Variants in ZC4H2 observed in about 807,000 individuals in gnomAD.
ZC4H2 encodes zinc finger C4H2-type containing, also known as zinc finger C4H2 domain-containing protein.
For synonymous variants in ZC4H2, 84 were observed against 66.3 expected (o/e 1.27, Z -1.30); for missense variants, 137 against 173.9 (o/e 0.79, Z 1.19).
chrX:65,009,581 G>T (rs1343968170), intron 1 of ZC4H2, among the ~76,000 whole-genome samples: 1 of 111,838 alleles, frequency 8.9e-6, no homozygotes, highest in Non-Finnish European at 1.9e-5. Flanking sequence ...TAGAAGGTTT[G>T]CTTATTCTTC....
intron 1 of ZC4H2, among the ~76,000 whole-genome samples, chrX:64,945,809 C>T (rs753851394): frequency 3.9e-4 from 43 of 111,036 alleles, no homozygotes; most frequent in African/African-American, 1.3e-3. Flanking sequence ...GGCAGTCTGG[C>T]CACAGCTGCT....
chrX:64,942,359 T>G (rs1202492121), intron 1 of ZC4H2, among the ~76,000 whole-genome samples: 1 of 111,012 alleles, frequency 9.0e-6, no homozygotes. Context: ...ATTGATTTTT[T>G]TATTATACTT....
intron 1 of ZC4H2, among the ~76,000 whole-genome samples, chrX:65,021,360 A>G (rs892562559): frequency 5.4e-5 from 6 of 111,541 alleles, no homozygotes; most frequent in African/African-American, 2.0e-4. Flanking sequence ...ACTCAGGATT[A>G]AGAAACTCAC....
At chrX:64,980,293 C>A (rs1307940978), upstream of ZC4H2, among the ~76,000 whole-genome samples, 1 of 111,526 alleles carries the variant, frequency 9.0e-6, no homozygotes, top group African/African-American at 3.3e-5. Flanking sequence ...GTGAGAGAGA[C>A]CAGCTATTAC....
At position 65,025,205 on chromosome X, in the gene ZC4H2, G is replaced by A. The variant is rs754326825; in HGVS notation, c.-272+9424C>T. ...GCTCTGTCAACCAAGCTGTAGTGCA[G>A]TAGCACAATTACAGCTCACAGCAGC... On this transcript the variant is annotated intron_variant, in intron 1 of 4. Transcript: ENST00000337990. Among the ~76,000 whole-genome samples, 23 of 94,816 alleles carry A rather than the reference G, an allele frequency of 2.4e-4. 1 individual carries two copies. The highest frequency in any genetic ancestry group is 1.2e-3 in the Admixed American group (10 of 8,177). 82.3% of individuals were successfully genotyped at this position (94,816 alleles called of 115,157 possible). A position where few individuals can be genotyped will look rare whatever the true frequency, so the allele number is the denominator to read the frequency against.
chrX:65,003,288 C>T (rs999619445), intron 1 of ZC4H2, among the ~76,000 whole-genome samples: 7 of 111,358 alleles, frequency 6.3e-5, no homozygotes, highest in Non-Finnish European at 1.1e-4. Flanking sequence ...AAGCAATGTT[C>T]AGAGGGAAAT....
intron 1 of ZC4H2, among the ~76,000 whole-genome samples, chrX:64,946,313 G>C (rs765533877): frequency 2.7e-5 from 3 of 111,322 alleles, no homozygotes; most frequent in Admixed American, 9.6e-5. Context: ...ATCTGGGGCA[G>C]ATAGCACAGC....
intron 1 of ZC4H2, among the ~76,000 whole-genome samples, chrX:65,010,502 G>A (rs1362386676): frequency 9.0e-6 from 1 of 111,648 alleles, no homozygotes; most frequent in African/African-American, 3.3e-5. Context: ...ATTCCCATAA[G>A]GAATATTTCC....
At chrX:64,934,060 G>A (rs1929877149) in intron 1 of ZC4H2, among the ~76,000 whole-genome samples, 1 of 111,865 alleles carries the variant, frequency 8.9e-6, no homozygotes, top group South Asian at 3.7e-4. Flanking sequence ...CCTTGTCCCA[G>A]TGTTCTGGCT....
At chrX:64,940,523 G>T (rs774713704) in intron 1 of ZC4H2, among the ~76,000 whole-genome samples, 2 of 111,434 alleles carry the variant, frequency 1.8e-5, no homozygotes, top group East Asian at 5.7e-4. Context: ...TCTTTTTTAT[G>T]ATTTTAGGTC....
chrX:65,007,981 AG>A (rs1400317670), intron 1 of ZC4H2, among the ~76,000 whole-genome samples: 1 of 111,720 alleles, frequency 9.0e-6, no homozygotes, highest in Non-Finnish European at 1.9e-5. Context: ...CAAGCTAAAA[AG>A]CTTCTGCACA....
At chrX:64,982,392 A>G (rs2147268411) in intron 1 of ZC4H2, among the ~76,000 whole-genome samples, 1 of 112,193 alleles carries the variant, frequency 8.9e-6, no homozygotes, top group African/African-American at 3.2e-5. Context: ...CTGTTTAATG[A>G]TTAAATGAAA....
At chrX:64,920,307 G>A in intron 2 of ZC4H2, 54 bp from the exon 3 acceptor site, 1 of 1,148,348 alleles carries the variant, frequency 8.7e-7, no homozygotes, top group Non-Finnish European at 1.2e-6. Flanking sequence ...TTCTCAGAGA[G>A]GATCTATAGC....
intron 1 of ZC4H2, among the ~76,000 whole-genome samples, chrX:64,995,109 A>G (rs959288283): frequency 4.7e-5 from 5 of 105,505 alleles, no homozygotes; most frequent in African/African-American, 1.7e-4. Flanking sequence ...TCCCCTTGTC[A>G]TTAAAAAAAA....
intron 1 of ZC4H2, among the ~76,000 whole-genome samples, chrX:65,030,110 T>G (rs962163085): frequency 9.0e-6 from 1 of 111,409 alleles, no homozygotes; most frequent in African/African-American, 3.3e-5. Context: ...GACTCTTTAT[T>G]TTTTTATTTT....
chrX:64,922,077 C>T, intron 1 of ZC4H2, 89 bp from the exon 2 acceptor site: 1 of 1,138,673 alleles, frequency 8.8e-7, no homozygotes, highest in Middle Eastern at 2.6e-4. Context: ...GCCATCTTTA[C>T]AAGCTTCCCC....
intron 1 of ZC4H2, chrX:64,965,339 G>A (rs1931549953): frequency 9.5e-6 from 2 of 210,089 alleles, no homozygotes; most frequent in South Asian, 1.1e-4. Flanking sequence ...CACAAATAAA[G>A]CAATGAAGCA....
intron 1 of ZC4H2, among the ~76,000 whole-genome samples, chrX:65,015,111 A>G (rs982655389): frequency 3.7e-5 from 4 of 109,257 alleles, no homozygotes; most frequent in African/African-American, 1.3e-4. Context: ...TATTTGCTTG[A>G]GAATAAAAAT....
chrX:64,957,693 C>T (rs778523992), intron 1 of ZC4H2, among the ~76,000 whole-genome samples: 1 of 108,566 alleles, frequency 9.2e-6, no homozygotes, highest in South Asian at 4.1e-4. Flanking sequence ...GACCCTATCT[C>T]TATTAAAAAA....
Sources: gnomAD v4.1 joint callset for allele counts (sites outside exome capture counted in the v4.1 genomes callset) on GRCh38, gnomAD v4.1.1 for gene constraint, MANE v1.5 for transcripts, NCBI Gene and HGNC (gene_info 2026-07-23, HGNC 2026-07-21) for gene names.